The following CTNNA2 variants were observed in gnomAD, a reference collection of about 807,000 sequenced individuals.
CTNNA2 encodes the protein catenin alpha-2.
Under a neutral mutation model 101.0 loss-of-function variants are expected in CTNNA2, and 42 were observed. The ratio of observed to expected loss-of-function variants is 0.42; its 90% CI spans 0.32 to 0.54. CTNNA2 has a LOEUF of 0.54. Among genes scored for constraint, CTNNA2 ranks in the 20% least tolerant of loss-of-function variants. The probability of loss-of-function intolerance (pLI) is 0.14; values close to 1 mark genes in which losing one functional copy is unlikely to be tolerated. For missense variants in CTNNA2, 871 were observed against 1,223.1 expected (o/e 0.71, Z 4.29); for synonymous variants, 450 against 456.4 (o/e 0.99, Z 0.18).
chr2:80,144,103 C>A (rs962915992), intron 7 of CTNNA2, among the ~76,000 whole-genome samples: 5 of 152,258 alleles, frequency 3.3e-5, no homozygotes, highest in African/African-American at 1.2e-4. Flanking sequence ...CCCGTGCAAT[C>A]TTTTAGCTCT....
At chr2:80,544,912 C>A (rs1691904982) in intron 9 of CTNNA2, 70 bp from the exon 10 acceptor site, 1 of 1,337,834 alleles carries the variant, frequency 7.5e-7, no homozygotes, top group Non-Finnish European at 1.0e-6. Flanking sequence ...CAGAGAAGGT[C>A]CAAGGCGGAG....
chr2:80,484,782 G>A (rs1271806072), intron 9 of CTNNA2, among the ~76,000 whole-genome samples: 2 of 152,140 alleles, frequency 1.3e-5, no homozygotes, highest in Admixed American at 6.5e-5. Flanking sequence ...CAAGGCGGGC[G>A]GATCACTAGG....
intron 7 of CTNNA2, among the ~76,000 whole-genome samples, chr2:79,984,788 A>G (rs533130355): frequency 6.6e-6 from 1 of 152,172 alleles, no homozygotes; most frequent in Non-Finnish European, 1.5e-5. Context: ...CCTTCACTAT[A>G]TCCTCTGATC....
intron 4 of CTNNA2, among the ~76,000 whole-genome samples, chr2:79,380,652 C>A (rs1190173410): frequency 6.6e-6 from 1 of 152,084 alleles, no homozygotes; most frequent in Admixed American, 6.5e-5. Flanking sequence ...TTTTAGAGAC[C>A]TGCAACACCT....
At chr2:80,145,122 A>G (rs1400292403) in intron 7 of CTNNA2, among the ~76,000 whole-genome samples, 1 of 152,210 alleles carries the variant, frequency 6.6e-6, no homozygotes, top group Non-Finnish European at 1.5e-5. Flanking sequence ...TGCATGCAAT[A>G]TAACATGTTG....
At chr2:80,571,580 A>G (rs200010343) in intron 12 of CTNNA2, among the ~76,000 whole-genome samples, 1 of 104,642 alleles carries the variant, frequency 9.6e-6, no homozygotes, top group African/African-American at 3.6e-5. Context: ...ATATGTTTAA[A>G]TAATGCACAG....
At position 80,419,494 on chromosome 2, in the gene CTNNA2, AC is replaced by A; in HGVS notation, c.1185del (p.Asn396MetfsTer5). The A allele has an allele frequency of 6.2e-7, 1 of 1,613,434 alleles. No individual in the cohort carries two copies. Among genetic ancestry groups the A allele is most frequent in the Non-Finnish European group, 8.5e-7 (1 of 1,179,504 alleles). ...TCACATATCTGACTCTTTCCTGGAA[AC>A]CAATGTTCCTTTGCTAGTTCTCATT... The part of the protein sequence containing the change: ...MDHISDSFLE[T>X]NVPLLVLIEA... On this transcript the variant is annotated frameshift_variant, in exon 9 of 19. Coordinates refer to ENST00000402739, the MANE Select transcript of CTNNA2 (RefSeq NM_001282597.3). LOFTEE classifies it high-confidence loss of function.
chr2:79,298,505 A>G (rs1363725833), intron 2 of CTNNA2, among the ~76,000 whole-genome samples: 2 of 152,168 alleles, frequency 1.3e-5, no homozygotes, highest in African/African-American at 4.8e-5. Context: ...GGGTTATTTG[A>G]TGTCATTCAT....
At chr2:79,726,239 T>A (rs1343946950) in intron 2 of CTNNA2, among the ~76,000 whole-genome samples, 2 of 152,310 alleles carry the variant, frequency 1.3e-5, no homozygotes, top group South Asian at 2.1e-4. Flanking sequence ...GATAGAGATA[T>A]GAATGTATGT....
intron 9 of CTNNA2, among the ~76,000 whole-genome samples, chr2:80,500,071 T>A (rs1268804052): frequency 6.6e-6 from 1 of 152,172 alleles, no homozygotes; most frequent in Non-Finnish European, 1.5e-5. Context: ...AGTAGAAGAA[T>A]GGAATATGAT....
chr2:79,765,642 C>T (rs1031014623), intron 3 of CTNNA2, among the ~76,000 whole-genome samples: 8 of 152,126 alleles, frequency 5.3e-5, no homozygotes, highest in African/African-American at 1.7e-4. Context: ...ATCTTCCCTG[C>T]GTTGAAGTTT....
At position 79,584,598 on chromosome 2, in the gene CTNNA2, C is replaced by T. The variant is rs572263950; in HGVS notation, c.-5-66954C>T. Among the ~76,000 whole-genome samples the T allele has an allele frequency of 4.8e-4, 73 of 150,606 alleles. 1 individual carries two copies. Among genetic ancestry groups the T allele is most frequent in the Non-Finnish European group, 9.3e-4 (63 of 67,878 alleles). ...GGAGTGCAATGGCACGATTTCAGCT[C>T]GCTGTAATCTCTGCCTCCTAGGTTC... On this transcript the variant is annotated intron_variant, in intron 1 of 18. Coordinates refer to ENST00000402739, the MANE Select transcript of CTNNA2 (RefSeq NM_001282597.3).
At chr2:80,404,656 A>T (rs1473103586) in intron 8 of CTNNA2, among the ~76,000 whole-genome samples, 1 of 152,166 alleles carries the variant, frequency 6.6e-6, no homozygotes, top group Non-Finnish European at 1.5e-5. Context: ...ATTGATTCAG[A>T]AATCGTGGGT....
intron 9 of CTNNA2, among the ~76,000 whole-genome samples, chr2:80,498,326 A>G (rs890129472): frequency 1.3e-5 from 2 of 152,220 alleles, no homozygotes; most frequent in African/African-American, 4.8e-5. Context: ...TTCGTGGAGC[A>G]ATTACTTTGT....
At chr2:79,346,069 T>C (rs2104433951) in intron 3 of CTNNA2, among the ~76,000 whole-genome samples, 1 of 152,194 alleles carries the variant, frequency 6.6e-6, no homozygotes, top group Non-Finnish European at 1.5e-5. Context: ...AGAGGGCAAT[T>C]TATTTTTTCC....
chr2:80,207,146 A>G (rs1707585346), intron 7 of CTNNA2, among the ~76,000 whole-genome samples: 1 of 152,222 alleles, frequency 6.6e-6, no homozygotes, highest in Admixed American at 6.5e-5. Context: ...TGGGAAATGA[A>G]TGGAGAATAG....
chr2:79,600,352 A>G (rs1448428025), intron 1 of CTNNA2, among the ~76,000 whole-genome samples: 5 of 151,182 alleles, frequency 3.3e-5, no homozygotes, highest in Non-Finnish European at 7.4e-5. Context: ...ATTTTTTTTT[A>G]TTTTTAGTAG....
chr2:80,490,416 T>C (rs966494555), intron 9 of CTNNA2, among the ~76,000 whole-genome samples: 12 of 152,046 alleles, frequency 7.9e-5, no homozygotes, highest in Non-Finnish European at 1.8e-4. Context: ...AATGAATGAT[T>C]GTAGCTGTGC....
intron 3 of CTNNA2, among the ~76,000 whole-genome samples, chr2:79,352,371 T>C (rs951154847): frequency 1.3e-5 from 2 of 152,154 alleles, no homozygotes; most frequent in East Asian, 3.9e-4. Flanking sequence ...TTTGTGTGCA[T>C]AGAGGTCTTC....
Sources: gnomAD v4.1 joint callset for allele counts (sites outside exome capture counted in the v4.1 genomes callset) on GRCh38, gnomAD v4.1.1 for gene constraint, MANE v1.5 for transcripts, NCBI Gene and HGNC (gene_info 2026-07-23, HGNC 2026-07-21) for gene names.